DTWD2: variants seen among roughly 807,000 people sequenced by gnomAD.
DTWD2 encodes the protein DTW motif tRNA-uridine aminocarboxypropyltransferase 2, also known as tRNA-uridine aminocarboxypropyltransferase 2.
A neutral mutation model predicts 31.8 loss-of-function variants in DTWD2; 39 were observed. The ratio of observed to expected loss-of-function variants is 1.22; its 90% confidence interval spans 0.95 to 1.60. DTWD2 has a LOEUF of 1.60. Among genes scored for constraint, DTWD2 ranks in the 40% most tolerant of loss-of-function variants. The pLI, the probability that DTWD2 is intolerant of heterozygous loss-of-function variation, is 0.00. For missense variants in DTWD2, 515 were observed against 381.5 expected, an observed-to-expected ratio of 1.35 and a Z score of -2.92; for synonymous variants, 180 against 142.8, an observed-to-expected ratio of 1.26 and a Z score of -1.86.
intron 1 of DTWD2, chr5:118,973,676 G>A (rs1192817085): frequency 1.1e-5 from 13 of 1,145,480 alleles, no homozygotes; most frequent in African/African-American, 1.6e-5. Context: ...CTTGCTCGCC[G>A]CAGCCGCCTC....
chr5:118,952,756 C>G (rs369576726), intron 1 of DTWD2, among the ~76,000 whole-genome samples: 1 of 152,208 alleles, frequency 6.6e-6, no homozygotes, highest in Non-Finnish European at 1.5e-5. Context: ...ACCCATAAAT[C>G]TGCAATATTT....
chr5:118,867,669 T>C (rs1752406977), intron 4 of DTWD2, among the ~76,000 whole-genome samples: 1 of 152,136 alleles, frequency 6.6e-6, no homozygotes, highest in South Asian at 2.1e-4. Flanking sequence ...CCCTCCTACC[T>C]AAAATGTCTT....
intron 4 of DTWD2, among the ~76,000 whole-genome samples, chr5:118,860,315 C>T (rs924813321): frequency 1.3e-5 from 2 of 150,560 alleles, no homozygotes; most frequent in African/African-American, 2.4e-5. Context: ...TTGTTCTGTA[C>T]CTTGCACTTT....
chr5:118,982,223 T>C (rs1397701624), intron 1 of DTWD2, among the ~76,000 whole-genome samples: 1 of 152,228 alleles, frequency 6.6e-6, no homozygotes, highest in Non-Finnish European at 1.5e-5. Flanking sequence ...TTATTAATTT[T>C]GGGAAAATGA....
intron 4 of DTWD2, among the ~76,000 whole-genome samples, chr5:118,911,158 T>TA (rs1454080513): frequency 6.6e-6 from 1 of 152,184 alleles, no homozygotes; most frequent in Non-Finnish European, 1.5e-5. Context: ...GCAAATGACC[T>TA]AAACAGACAT....
At chr5:118,887,568 A>G (rs920790653) in intron 4 of DTWD2, among the ~76,000 whole-genome samples, 3 of 152,186 alleles carry the variant, frequency 2.0e-5, no homozygotes, top group Admixed American at 6.5e-5. Context: ...ATACAAAAGC[A>G]TGGGTCTGAA....
At chr5:118,883,074 C>T (rs950544776) in intron 4 of DTWD2, among the ~76,000 whole-genome samples, 5 of 152,156 alleles carry the variant, frequency 3.3e-5, no homozygotes, top group Admixed American at 3.3e-4. Context: ...TTTGAGAATA[C>T]CTACATCCTG....
chr5:118,866,641 G>A (rs574364033), intron 4 of DTWD2, among the ~76,000 whole-genome samples: 1 of 152,192 alleles, frequency 6.6e-6, no homozygotes, highest in African/African-American at 2.4e-5. Flanking sequence ...AATTCAGGCC[G>A]GGGGTGGTGG....
chr5:118,973,904 G>C, intron 1 of DTWD2: 1 of 1,607,960 alleles, frequency 6.2e-7, no homozygotes, highest in South Asian at 1.1e-5. Context: ...CCCTGCTAAC[G>C]GGAATGCTAA....
intron 5 of DTWD2, among the ~76,000 whole-genome samples, chr5:118,844,282 G>A (rs1751795597): frequency 6.6e-6 from 1 of 152,188 alleles, no homozygotes; most frequent in East Asian, 1.9e-4. Context: ...GGTTATAGCA[G>A]GAGGTTTTGC....
At chr5:118,861,781 A>C (rs1230981190) in intron 4 of DTWD2, among the ~76,000 whole-genome samples, 1 of 152,170 alleles carries the variant, frequency 6.6e-6, no homozygotes, top group Non-Finnish European at 1.5e-5. Flanking sequence ...AAATAATAGT[A>C]CTTAGTGGTA....
At chr5:118,961,061 C>A (rs1384163512) in intron 1 of DTWD2, among the ~76,000 whole-genome samples, 2 of 113,908 alleles carry the variant, frequency 1.8e-5, no homozygotes, top group East Asian at 6.1e-4. Flanking sequence ...TGCACATGTA[C>A]CCCCAAAACT....
chr5:118,910,638 T>A (rs779463751), intron 4 of DTWD2, among the ~76,000 whole-genome samples: 3 of 152,192 alleles, frequency 2.0e-5, no homozygotes, highest in Non-Finnish European at 4.4e-5. Flanking sequence ...CATTATCCAG[T>A]TCCGAACCTG....
At position 118,971,365 on chromosome 5, in the gene DTWD2, A is replaced by G. The variant is rs1754984026; in HGVS notation, c.218+16929T>C. ...TTCTGACAAAACAGACTTTAAACCA[A>G]CAAAGATCAAAAAAGACAAAGAAGG... On this transcript the variant is annotated intron_variant, in intron 1 of 5. Coordinates refer to ENST00000510708, the MANE Select transcript of DTWD2 (RefSeq NM_173666.4). Among the ~76,000 whole-genome samples, 3 of 152,142 alleles carry G rather than the reference A, an allele frequency of 2.0e-5. No individual in the cohort carries two copies. The South Asian group carries it at 6.2e-4, about 32-fold the overall frequency.
At chr5:118,955,142 T>A (rs1340749874) in intron 1 of DTWD2, among the ~76,000 whole-genome samples, 3 of 152,222 alleles carry the variant, frequency 2.0e-5, no homozygotes, top group Non-Finnish European at 2.9e-5. Flanking sequence ...CTAAAACTAA[T>A]TGCTTTAACT....
chr5:118,915,529 C>A lies in DTWD2; in HGVS notation c.597+13008G>T, dbSNP rs1580803880. ...AGCTGGGAATACAGGCGCACACCAC[C>A]ACACCTGGCTAATTTTTTGTATTTT... On this transcript the variant is annotated intron_variant, in intron 4 of 5. Transcript: ENST00000510708. 2.6e-5 allele frequency among the ~76,000 whole-genome samples: 4 copies of A among 152,104 alleles called. No homozygotes were observed. In the East Asian group the frequency reaches 5.8e-4, roughly 22 times the overall value.
At chr5:118,971,522 C>A (rs1262130212) in intron 1 of DTWD2, among the ~76,000 whole-genome samples, 1 of 152,058 alleles carries the variant, frequency 6.6e-6, no homozygotes, top group Non-Finnish European at 1.5e-5. Context: ...GACTCCCACA[C>A]AATAATAGTG....
chr5:118,945,698 G>T (rs1000565703), intron 1 of DTWD2, among the ~76,000 whole-genome samples: 5 of 151,386 alleles, frequency 3.3e-5, no homozygotes, highest in Non-Finnish European at 4.4e-5. Context: ...CCAGGAGATG[G>T]AGGTTGCAGT....
chr5:118,964,565 G>C (rs994425168), intron 1 of DTWD2, among the ~76,000 whole-genome samples: 4 of 152,086 alleles, frequency 2.6e-5, no homozygotes, highest in Non-Finnish European at 2.9e-5. Flanking sequence ...TCAGCCTGCC[G>C]AATGCCTGCG....
Sources: allele counts gnomAD v4.1 joint callset (sites outside exome capture counted in the v4.1 genomes callset), GRCh38; gene constraint gnomAD v4.1.1; transcripts MANE v1.5; gene names NCBI Gene and HGNC (gene_info 2026-07-23, HGNC 2026-07-21).